PARD3B: variants seen among roughly 807,000 people sequenced by gnomAD.
The protein encoded by PARD3B is partitioning defective 3 homolog B.
Under a neutral mutation model 130.2 loss-of-function variants are expected in PARD3B, and 103 were observed. That is an observed-to-expected ratio of 0.79 (90% CI 0.67 to 0.93). The LOEUF (loss-of-function observed/expected upper bound fraction) is 0.93. Among genes scored for constraint, PARD3B ranks in the 40% least tolerant of loss-of-function variants. The pLI is 0.00. For missense variants in PARD3B, 1,609 were observed against 1,499.2 expected, an observed-to-expected ratio of 1.07 and a Z score of -1.21; for synonymous variants, 583 against 553.2, an observed-to-expected ratio of 1.05 and a Z score of -0.76.
At chr2:205,471,444 C>G (rs553052888) in intron 20 of PARD3B, among the ~76,000 whole-genome samples, 1 of 148,784 alleles carries the variant, frequency 6.7e-6, no homozygotes, top group South Asian at 2.1e-4. Flanking sequence ...TCACTGCAAC[C>G]TCTGCCTCCC....
intron 2 of PARD3B, among the ~76,000 whole-genome samples, chr2:204,760,594 T>A (rs530331070): frequency 1.3e-5 from 2 of 152,240 alleles, no homozygotes; most frequent in African/African-American, 4.8e-5. Context: ...GGGAACCCTT[T>A]ACTTTGAGGC....
rs1421101893 is a variant in PARD3B, at chr2:205,183,771, TGTGA to T, written c.1925-1992_1925-1989del. On this transcript the variant is annotated intron_variant, in intron 13 of 22. Coordinates refer to ENST00000406610, the MANE Select transcript of PARD3B (RefSeq NM_001302769.2). The surrounding 1 kb of genome is among the most constrained non-coding windows in gnomAD (Gnocchi z 5.2). Reference sequence around the variant, plus strand: ...GTGTGTGTGTGTGTGTGTGTGTGTGTGTGAACAGATTTATGATAAGGAATTGGCT... The same window carrying T: ...GTGTGTGTGTGTGTGTGTGTGTGTGTACAGATTTATGATAAGGAATTGGCT... Among the ~76,000 whole-genome samples the T allele has an allele frequency of 6.8e-6, 1 of 147,400 alleles. No homozygotes were observed. The highest frequency in any genetic ancestry group is 1.5e-5 in the Non-Finnish European group (1 of 66,944).
At chr2:204,911,979 AAAGT>A (rs1481739352) in intron 2 of PARD3B, among the ~76,000 whole-genome samples, 3 of 138,294 alleles carry the variant, frequency 2.2e-5, no homozygotes, top group Non-Finnish European at 4.6e-5. Flanking sequence ...ATGCAGGTAT[AAAGT>A]TTAAGAAATA....
rs147251068 is a variant in PARD3B at position 205,246,901 on chromosome 2, G to A, written c.2185+1079G>A. Among the ~76,000 whole-genome samples the A allele has an allele frequency of 7.3e-3, 1,114 of 152,190 alleles. 17 individuals carry two copies. Among genetic ancestry groups the A allele is most frequent in the African/African-American group, 0.025 (1,047 of 41,546 alleles). On this transcript the variant is annotated intron_variant, in intron 16 of 22. Coordinates refer to ENST00000406610, the MANE Select transcript of PARD3B (RefSeq NM_001302769.2). ...CACTGTGAAAGAGATTTCTATGGGAGTGATAAATTGCCACATGCTCCTTGC... is the reference window on the plus strand; with the variant it reads ...CACTGTGAAAGAGATTTCTATGGGAATGATAAATTGCCACATGCTCCTTGC...
At chr2:205,567,319 T>G (rs1375273374) in intron 22 of PARD3B, among the ~76,000 whole-genome samples, 4 of 122,920 alleles carry the variant, frequency 3.3e-5, no homozygotes, top group South Asian at 3.1e-4. Context: ...TTTTTTTTTT[T>G]TTTTTTTTTT....
At chr2:205,197,384 T>A (rs917539412) in intron 15 of PARD3B, among the ~76,000 whole-genome samples, 1 of 152,154 alleles carries the variant, frequency 6.6e-6, no homozygotes, top group Non-Finnish European at 1.5e-5. Flanking sequence ...TCTCTTTACT[T>A]GCAAAAATGT....
intron 21 of PARD3B, among the ~76,000 whole-genome samples, chr2:205,516,206 T>C (rs889210137): frequency 1.1e-4 from 16 of 152,168 alleles, no homozygotes; most frequent in African/African-American, 3.9e-4. Flanking sequence ...GGCCCTGTAG[T>C]ATAGTTTGAA....
intron 10 of PARD3B, among the ~76,000 whole-genome samples, chr2:205,139,260 C>G (rs959356612): frequency 6.6e-6 from 1 of 152,002 alleles, no homozygotes; most frequent in Non-Finnish European, 1.5e-5. Flanking sequence ...TGTTTTCTAA[C>G]TAGAAATTGC....
intron 1 of PARD3B, among the ~76,000 whole-genome samples, chr2:204,628,785 G>C (rs111773057): frequency 6.6e-6 from 1 of 152,170 alleles, no homozygotes; most frequent in Non-Finnish European, 1.5e-5. Flanking sequence ...CATTGGTAAT[G>C]TTATCTGTAG....
intron 2 of PARD3B, among the ~76,000 whole-genome samples, chr2:204,849,633 C>T (rs556276558): frequency 6.6e-6 from 1 of 152,104 alleles, no homozygotes; most frequent in Non-Finnish European, 1.5e-5. Context: ...TACATTAGGC[C>T]TTCATGGGCA....
intron 2 of PARD3B, among the ~76,000 whole-genome samples, chr2:204,889,850 T>C (rs542484032): frequency 3.4e-5 from 5 of 147,728 alleles, no homozygotes; most frequent in Non-Finnish European, 7.4e-5. Context: ...TTAGGACTCT[T>C]CCAGAGTAAC....
At chr2:205,350,532 A>G (rs1306200547) in intron 18 of PARD3B, among the ~76,000 whole-genome samples, 1 of 152,160 alleles carries the variant, frequency 6.6e-6, no homozygotes, top group Non-Finnish European at 1.5e-5. Flanking sequence ...TCAAAGTACT[A>G]TTTTTGTGTC....
intron 2 of PARD3B, among the ~76,000 whole-genome samples, chr2:204,833,189 T>C (rs143443013): frequency 1.3e-5 from 2 of 152,334 alleles, no homozygotes; most frequent in Non-Finnish European, 2.9e-5. Context: ...ACACTATAGA[T>C]AAATCTTGGA....
chr2:204,971,798 T>C (rs1174269513), intron 3 of PARD3B, among the ~76,000 whole-genome samples: 1 of 151,904 alleles, frequency 6.6e-6, no homozygotes, highest in Non-Finnish European at 1.5e-5. Flanking sequence ...TAACCCATTT[T>C]GAGCACCACT....
chr2:205,339,738 G>A (rs183540555), intron 18 of PARD3B, among the ~76,000 whole-genome samples: 138 of 152,196 alleles, frequency 9.1e-4, no homozygotes, highest in Non-Finnish European at 1.7e-3. Context: ...AGTTACGGGC[G>A]CTATAAGTTG....
intron 19 of PARD3B, among the ~76,000 whole-genome samples, chr2:205,402,232 A>C (rs2046277120): frequency 6.6e-6 from 1 of 152,196 alleles, no homozygotes; most frequent in Non-Finnish European, 1.5e-5. Flanking sequence ...AAAGGAAATC[A>C]AGTGTTTTAC....
intron 1 of PARD3B, among the ~76,000 whole-genome samples, chr2:204,549,164 C>A (rs1243804843): frequency 6.6e-6 from 1 of 152,098 alleles, no homozygotes; most frequent in African/African-American, 2.4e-5. Context: ...ACAGGGGGAG[C>A]TTTTGGGAAG....
intron 2 of PARD3B, among the ~76,000 whole-genome samples, chr2:204,777,173 A>G (rs1179343844): frequency 6.6e-6 from 1 of 152,224 alleles, no homozygotes; most frequent in Non-Finnish European, 1.5e-5. Flanking sequence ...TTATCAGTTT[A>G]CCCAGTAGAG....
chr2:204,927,496 T>C (rs1199100739), intron 2 of PARD3B, among the ~76,000 whole-genome samples: 7 of 152,174 alleles, frequency 4.6e-5, no homozygotes, highest in Non-Finnish European at 8.8e-5. Flanking sequence ...ATGTTGTTCC[T>C]ATGCTACCTG....
Sources: gnomAD v4.1 joint callset for allele counts (sites outside exome capture counted in the v4.1 genomes callset) on GRCh38, gnomAD v4.1.1 for gene constraint, Gnocchi (gnomAD v3.1) non-coding constraint, MANE v1.5 for transcripts, NCBI Gene and HGNC (gene_info 2026-07-23, HGNC 2026-07-21) for gene names.